Variants in NALF1 observed in about 807,000 individuals in gnomAD.
The protein encoded by NALF1 is family with sequence similarity 155 member A.
In NALF1, 3 loss-of-function variants were observed where a neutral mutation model predicts 48.4. The observed-to-expected ratio is 0.06, with a 90% CI of 0.03 to 0.16. NALF1 has a LOEUF of 0.16. Among genes scored for constraint, NALF1 ranks in the 10% least tolerant of loss-of-function variants. The pLI is 1.00. For synonymous variants in NALF1, 262 were observed against 245.7 expected, an observed-to-expected ratio of 1.07 and a Z score of -0.62; for missense variants, 526 against 571.5, an observed-to-expected ratio of 0.92 and a Z score of 0.81.
In NALF1 at chr13:107,167,249, T is replaced by C. The variant is rs1878680068; in HGVS notation, c.*3248A>G. On this transcript the variant is annotated 3_prime_UTR_variant, in exon 3 of 3. Transcript: ENST00000375915. The stretch of plus-strand genomic sequence containing the variant: ...TTCATTAGCCAGTATACGGTAGACA[T>C]CCTCTACAGGAAAAACTAAACAAGA... 6.6e-6 allele frequency: 1 copy of C among 152,172 alleles called. No individual in the cohort carries two copies. Among genetic ancestry groups the C allele is most frequent in the South Asian group, 2.1e-4 (1 of 4,830 alleles). The allele number at this position is 152,172 out of a possible 1,614,324, so 9.4% of individuals were successfully genotyped here.
chr13:107,766,141 G>A (rs531335959), intron 1 of NALF1, among the ~76,000 whole-genome samples: 3 of 152,262 alleles, frequency 2.0e-5, no homozygotes, highest in South Asian at 4.1e-4. Context: ...ACAGATGTAC[G>A]TGCAGCAATA....
At chr13:107,746,461 T>A (rs553925816) in intron 1 of NALF1, among the ~76,000 whole-genome samples, 1 of 152,330 alleles carries the variant, frequency 6.6e-6, no homozygotes, top group Non-Finnish European at 1.5e-5. Flanking sequence ...AAACATTCCA[T>A]TGCCAAACGT....
At chr13:107,227,530 T>C (rs1482359684) in intron 1 of NALF1, among the ~76,000 whole-genome samples, 1 of 152,230 alleles carries the variant, frequency 6.6e-6, no homozygotes, top group Non-Finnish European at 1.5e-5. Flanking sequence ...AGGTTAAAAG[T>C]TTAGCAAACT....
chr13:107,184,145 C>T (rs1037511911), intron 2 of NALF1, among the ~76,000 whole-genome samples: 5 of 149,522 alleles, frequency 3.3e-5, no homozygotes, highest in South Asian at 2.1e-4. Flanking sequence ...CAAACCTGCA[C>T]GTTCTGCACA....
intron 1 of NALF1, among the ~76,000 whole-genome samples, chr13:107,567,576 C>T (rs988910869): frequency 4.6e-5 from 7 of 152,112 alleles, no homozygotes; most frequent in African/African-American, 1.7e-4. Context: ...AATTCAAAAC[C>T]AAGAAACTGA....
chr13:107,540,180 T>C lies in NALF1; in HGVS notation c.915+325502A>G, dbSNP rs183367679. ...GATTCAAGGAATGCTCTTTATACCT[T>C]TGATGGTTGTGAATGGCATTCTCTT... is the stretch of plus-strand genomic sequence containing the variant. On this transcript the variant is annotated intron_variant, in intron 1 of 2. Transcript: ENST00000375915. Among the ~76,000 whole-genome samples, 32 of 152,168 alleles carry C rather than the reference T, an allele frequency of 2.1e-4. No homozygotes were observed. In the East Asian group the frequency reaches 6.0e-3, roughly 29 times the overall value.
At chr13:107,724,420 T>C (rs2138530198) in intron 1 of NALF1, among the ~76,000 whole-genome samples, 2 of 152,336 alleles carry the variant, frequency 1.3e-5, no homozygotes, top group South Asian at 4.1e-4. Flanking sequence ...TGTTGTAAAA[T>C]ATCTTGATAA....
At chr13:107,802,528 T>A (rs1878651681) in intron 1 of NALF1, among the ~76,000 whole-genome samples, 1 of 152,172 alleles carries the variant, frequency 6.6e-6, no homozygotes, top group Admixed American at 6.5e-5. Flanking sequence ...TATGCTTATT[T>A]TTTTCTGTAA....
chr13:107,272,233 A>G (rs1326175885), intron 1 of NALF1, among the ~76,000 whole-genome samples: 2 of 9,072 alleles, frequency 2.2e-4, no homozygotes, highest in African/African-American at 2.1e-4. Context: ...TTTGAGACGG[A>G]GTCTCGCTCT....
intron 1 of NALF1, among the ~76,000 whole-genome samples, chr13:107,271,810 A>ATTTATT (rs1287963208): frequency 0.036 from 499 of 13,800 alleles, 14 homozygotes; most frequent in South Asian, 0.054. Context: ...ATATATATAT[A>ATTTATT]TATATATTTA....
intron 2 of NALF1, among the ~76,000 whole-genome samples, chr13:107,197,362 T>A (rs1879413322): frequency 6.6e-6 from 1 of 152,218 alleles, no homozygotes; most frequent in Admixed American, 6.5e-5. Flanking sequence ...TATTTATTTT[T>A]TAAAAAGAGC....
intron 1 of NALF1, among the ~76,000 whole-genome samples, chr13:107,598,520 G>A (rs1414573370): frequency 6.6e-6 from 1 of 152,170 alleles, no homozygotes; most frequent in Non-Finnish European, 1.5e-5. Context: ...GATGCCTAAT[G>A]TGCATATCAA....
In NALF1 at chr13:107,570,583, T is replaced by TTTA. The variant is rs1490667841; in HGVS notation, c.915+295096_915+295098dup. Among the ~76,000 whole-genome samples, 1,109 of 150,000 alleles carry TTTA rather than the reference T, an allele frequency of 7.4e-3. 12 individuals carry two copies. Among genetic ancestry groups the TTTA allele is most frequent in the African/African-American group, 0.026 (1,064 of 41,276 alleles). ...TCTTTTATTTATTTATTTATTTTATTTTATTATTATTATACTTTAAGTTTT... is the reference window on the plus strand; with the variant it reads ...TCTTTTATTTATTTATTTATTTTATTTTATTATTATTATTATACTTTAAGTTTT... On this transcript the variant is annotated intron_variant, in intron 1 of 2. Coordinates refer to ENST00000375915, the MANE Select transcript of NALF1 (RefSeq NM_001080396.3).
chr13:107,188,435 A>G (rs1457546274), intron 2 of NALF1, among the ~76,000 whole-genome samples: 1 of 151,074 alleles, frequency 6.6e-6, no homozygotes, highest in Non-Finnish European at 1.5e-5. Flanking sequence ...TAGAAAAAAA[A>G]AGTTCAAATT....
intron 1 of NALF1, among the ~76,000 whole-genome samples, chr13:107,816,482 G>A (rs954321866): frequency 1.3e-5 from 2 of 152,022 alleles, no homozygotes; most frequent in East Asian, 1.9e-4. Context: ...ATAAGATCTC[G>A]TGAGACTTAT....
intron 1 of NALF1, among the ~76,000 whole-genome samples, chr13:107,337,788 C>A (rs1882588507): frequency 6.6e-6 from 1 of 152,176 alleles, no homozygotes; most frequent in Admixed American, 6.5e-5. Context: ...GAACATCAGT[C>A]TTGACTCTAC....
intron 1 of NALF1, among the ~76,000 whole-genome samples, chr13:107,615,339 T>G (rs924928161): frequency 6.6e-6 from 1 of 152,138 alleles, no homozygotes; most frequent in African/African-American, 2.4e-5. Flanking sequence ...CCTGGTACCA[T>G]GTTGGCGGGT....
At chr13:107,541,364 C>A (rs1876993964) in intron 1 of NALF1, among the ~76,000 whole-genome samples, 1 of 152,102 alleles carries the variant, frequency 6.6e-6, no homozygotes, top group Non-Finnish European at 1.5e-5. Flanking sequence ...AGAAGTACCC[C>A]TTCTCTTCCT....
At chr13:107,657,231 C>T (rs994785115) in intron 1 of NALF1, among the ~76,000 whole-genome samples, 1 of 151,840 alleles carries the variant, frequency 6.6e-6, no homozygotes, top group Non-Finnish European at 1.5e-5. Context: ...TTTCCTGAGC[C>T]CCAGACCCAT....
Sources: allele counts gnomAD v4.1 joint callset (sites outside exome capture counted in the v4.1 genomes callset), GRCh38; gene constraint gnomAD v4.1.1; transcripts MANE v1.5; gene names NCBI Gene and HGNC (gene_info 2026-07-23, HGNC 2026-07-21).